The following GUCY2C variants were observed in gnomAD, a reference collection of about 807,000 sequenced individuals.
GUCY2C encodes the protein guanylyl cyclase C.
A neutral mutation model predicts 131.1 loss-of-function variants in GUCY2C; 118 were observed. That is an observed-to-expected ratio of 0.90 (90% CI 0.78 to 1.05). GUCY2C has a LOEUF of 1.05. GUCY2C is among the 50% of genes least tolerant of loss of function. The probability of loss-of-function intolerance (pLI) is 0.00; values close to 1 mark genes in which losing one functional copy is unlikely to be tolerated. For missense variants in GUCY2C, 1,161 were observed against 1,304.4 expected (o/e 0.89, Z 1.69); for synonymous variants, 452 against 457.8 (o/e 0.99, Z 0.16).
intron 1 of GUCY2C, among the ~76,000 whole-genome samples, chr12:14,689,172 A>G (rs1948531227): frequency 1.3e-5 from 2 of 152,218 alleles, no homozygotes; most frequent in South Asian, 4.1e-4. Flanking sequence ...AGTTGGAGCA[A>G]AAGTAGAGAA....
intron 10 of GUCY2C, among the ~76,000 whole-genome samples, chr12:14,665,023 C>T (rs535270493): frequency 1.3e-5 from 2 of 152,096 alleles, no homozygotes; most frequent in African/African-American, 4.8e-5. Context: ...ACCAGCCTGG[C>T]CAACATGGTG....
intron 3 of GUCY2C, among the ~76,000 whole-genome samples, chr12:14,684,509 T>G (rs1363764372): frequency 8.6e-5 from 13 of 151,886 alleles, no homozygotes; most frequent in Non-Finnish European, 1.8e-4. Flanking sequence ...GCTTCTCTTT[T>G]CTTTTCTCTT....
chr12:14,642,984 A>C (rs1404344142), intron 17 of GUCY2C, among the ~76,000 whole-genome samples: 1 of 152,240 alleles, frequency 6.6e-6, no homozygotes, highest in Non-Finnish European at 1.5e-5. Flanking sequence ...ACTGTGAGTC[A>C]TAGTCAAGAA....
At chr12:14,632,732 A>G (rs796447040) in intron 19 of GUCY2C, among the ~76,000 whole-genome samples, 5 of 152,292 alleles carry the variant, frequency 3.3e-5, no homozygotes, top group African/African-American at 1.2e-4. Flanking sequence ...GGGACTGAAG[A>G]CAGGTCTCAG....
At chr12:14,657,732 G>A (rs1947790392) in intron 11 of GUCY2C, among the ~76,000 whole-genome samples, 1 of 152,222 alleles carries the variant, frequency 6.6e-6, no homozygotes, top group East Asian at 1.9e-4. Context: ...GATCTGAGGT[G>A]GAACAGTTTC....
At chr12:14,642,664 G>C (rs920508110) in intron 17 of GUCY2C, among the ~76,000 whole-genome samples, 1 of 152,124 alleles carries the variant, frequency 6.6e-6, no homozygotes, top group South Asian at 2.1e-4. Context: ...AGGTATAAGC[G>C]AGTGCTGTTT....
At chr12:14,696,109 G>A (rs1010347173) in intron 1 of GUCY2C, 123 bp downstream of exon 1, 32 of 727,142 alleles carry the variant, frequency 4.4e-5, no homozygotes, top group Admixed American at 8.9e-5. Context: ...GAAATAGAAA[G>A]GGGTTTAGGG....
intron 10 of GUCY2C, among the ~76,000 whole-genome samples, chr12:14,663,591 A>AT (rs1449591084): frequency 6.6e-6 from 1 of 152,030 alleles, no homozygotes; most frequent in Non-Finnish European, 1.5e-5. Context: ...CCATGTGTGA[A>AT]TTTTTCTGTG....
intron 23 of GUCY2C, 113 bp downstream of exon 23, chr12:14,620,929 G>C (rs1302455085): frequency 1.3e-6 from 1 of 796,880 alleles, no homozygotes; most frequent in Non-Finnish European, 2.0e-6. Context: ...AAAGAATTAA[G>C]AGTAAAAATT....
At chr12:14,627,318 C>T (rs566855768) in intron 20 of GUCY2C, among the ~76,000 whole-genome samples, 2 of 152,220 alleles carry the variant, frequency 1.3e-5, no homozygotes, top group South Asian at 2.1e-4. Flanking sequence ...GTGCCCTACC[C>T]GAGACCTATG....
chr12:14,669,965 A>G, intron 9 of GUCY2C, 132 bp from the exon 10 acceptor site: 1 of 530,070 alleles, frequency 1.9e-6, no homozygotes, highest in Non-Finnish European at 3.3e-6. Context: ...GCAACTGTTA[A>G]CCAGCTAGTT....
chr12:14,679,302 G>A (rs1948300136), intron 6 of GUCY2C, among the ~76,000 whole-genome samples: 1 of 152,136 alleles, frequency 6.6e-6, no homozygotes, highest in African/African-American at 2.4e-5. Context: ...CTGGACTCAA[G>A]CAATCCTCTT....
intron 12 of GUCY2C, among the ~76,000 whole-genome samples, chr12:14,653,744 T>C (rs1460737954): frequency 6.6e-6 from 1 of 152,226 alleles, no homozygotes; most frequent in African/African-American, 2.4e-5. Flanking sequence ...ATTATCTTTG[T>C]TAAAATGTAC....
rs779652258 is a variant in GUCY2C at position 14,674,618 on chromosome 12, C to G, written c.1084+7G>C. Reference sequence around the variant, plus strand: ...CTTGGGGTTATTTGCTCTTAGTAGACCAGTACCTTCAAAAGTGAGATTCCT... The same window carrying G: ...CTTGGGGTTATTTGCTCTTAGTAGAGCAGTACCTTCAAAAGTGAGATTCCT... On this transcript the variant is annotated splice_region_variant and intron_variant, in intron 8 of 26. Transcript: ENST00000261170. 1 of 1,612,954 alleles carries G rather than the reference C, an allele frequency of 6.2e-7. No homozygotes were observed. The highest frequency in any genetic ancestry group is 8.5e-7 in the Non-Finnish European group (1 of 1,179,234).
intron 25 of GUCY2C, among the ~76,000 whole-genome samples, chr12:14,615,676 A>T (rs915373809): frequency 1.3e-5 from 2 of 151,372 alleles, no homozygotes; most frequent in African/African-American, 4.8e-5. Context: ...AAACTCATTT[A>T]AAAAAGTAGT....
At chr12:14,629,439 C>T (rs1165914989) in intron 19 of GUCY2C, among the ~76,000 whole-genome samples, 1 of 152,076 alleles carries the variant, frequency 6.6e-6, no homozygotes, top group African/African-American at 2.4e-5. Context: ...AGGACTCAGA[C>T]CTTAGTTGTA....
chr12:14,685,458 G>A (rs1015482465), intron 3 of GUCY2C, among the ~76,000 whole-genome samples: 2 of 152,204 alleles, frequency 1.3e-5, no homozygotes, highest in Non-Finnish European at 1.5e-5. Flanking sequence ...TCGATGAAGC[G>A]TGATTCTTGA....
chr12:14,639,197 C>A (rs1947343587), intron 19 of GUCY2C, among the ~76,000 whole-genome samples: 2 of 150,382 alleles, frequency 1.3e-5, no homozygotes, highest in African/African-American at 4.9e-5. Context: ...ACTCAGGAGG[C>A]CGAGGCAGGA....
chr12:14,688,024 T>G lies in GUCY2C; in HGVS notation c.257A>C (p.Asp86Ala). 6.2e-7 allele frequency: 1 copy of G among 1,613,858 alleles called. No homozygotes were observed. The highest frequency in any genetic ancestry group is 8.5e-7 in the Non-Finnish European group (1 of 1,179,758). The change falls in exon 2 of 27, where the codon GAT (aspartate) becomes GCT (alanine). Residue 86 changes from aspartate (D) to alanine (A), a missense_variant. Asp to Ala is a moderately radical substitution (Grantham distance 126). Coordinates refer to ENST00000261170, the MANE Select transcript of GUCY2C (RefSeq NM_004963.4). ...VTVNATFMYS[D>A]GLIHNSGDCR... ...GTCGCCTGAGTTATGAATCAGACCA[T>G]CCGAATACATGAAAGTAGCGTTCAC...
Sources: gnomAD v4.1 joint callset for allele counts (sites outside exome capture counted in the v4.1 genomes callset) on GRCh38, gnomAD v4.1.1 for gene constraint, MANE v1.5 for transcripts, NCBI Gene and HGNC (gene_info 2026-07-23, HGNC 2026-07-21) for gene names.